Variants in GEN1 observed in about 807,000 individuals in gnomAD.
GEN1 encodes the protein flap endonuclease GEN homolog 1.
Under a neutral mutation model 67.6 loss-of-function variants are expected in GEN1, and 64 were observed. The ratio of observed to expected loss-of-function variants is 0.95; its 90% CI spans 0.77 to 1.17. The LOEUF (loss-of-function observed/expected upper bound fraction) is 1.17, where lower values mean the gene tolerates loss of function less well. GEN1 is among the 50% of genes most tolerant of loss of function. GEN1 has a pLI of 0.00. For synonymous variants in GEN1, 371 were observed against 359.4 expected (o/e 1.03, Z -0.37); for missense variants, 1,058 against 1,048.3 (o/e 1.01, Z -0.13).
At chr2:17,774,507 G>A in intron 11 of GEN1, 106 bp downstream of exon 11, 1 of 811,862 alleles carries the variant, frequency 1.2e-6, no homozygotes, top group Non-Finnish European at 1.8e-6. Flanking sequence ...TGGAGGAAAG[G>A]CCTCCTGGAA....
In GEN1 at chr2:17,774,283, G is replaced by GA; in HGVS notation, c.1090dup (p.Met364AsnfsTer10). 1.9e-6 allele frequency: 3 copies of GA among 1,558,444 alleles called. No homozygotes were observed. Among genetic ancestry groups the GA allele is most frequent in the South Asian group, 2.4e-5 (2 of 83,482 alleles). On this transcript the variant is annotated frameshift_variant, in exon 11 of 14. Transcript: ENST00000381254. LOFTEE classifies it high-confidence loss of function. ...ATTATATTTATAGAGATTTACTCTT[G>GA]AAAAAATGGAGTGGCCCAATCACTA...
At chr2:17,772,327 A>G (rs1572407071) in intron 7 of GEN1, among the ~76,000 whole-genome samples, 1 of 152,080 alleles carries the variant, frequency 6.6e-6, no homozygotes, top group East Asian at 1.9e-4. Flanking sequence ...CACCTAAACC[A>G]GAAAGTTTTC....
At chr2:17,765,263 CAT>C (rs1386437378) in intron 4 of GEN1, 190 bp downstream of exon 4, 4 of 530,228 alleles carry the variant, frequency 7.5e-6, no homozygotes, top group Non-Finnish European at 1.3e-5. Flanking sequence ...GGATTTATCT[CAT>C]AAGAACTTGA....
At chr2:17,775,716 TC>T (rs1369226106) in intron 11 of GEN1, among the ~76,000 whole-genome samples, 1 of 152,154 alleles carries the variant, frequency 6.6e-6, no homozygotes, top group African/African-American at 2.4e-5. Flanking sequence ...AGTGGAGAAA[TC>T]CAGTGGACAT....
Position 17,774,407 on chromosome 2 carries a change from G to C in GEN1, c.1202+6G>C, listed in dbSNP as rs367941048. ...AATCAACTACAGCCAATTCGGTAAT[G>C]TAAAGAACTGTATGGTGAAGGTGGT... is the stretch of plus-strand genomic sequence containing the variant. On this transcript the variant is annotated splice_donor_region_variant and intron_variant, in intron 11 of 13. Transcript: ENST00000381254. The C allele has an allele frequency of 1.9e-6, 3 of 1,590,870 alleles. No individual in the cohort carries two copies. In the African/African-American group the frequency reaches 4.1e-5, roughly 22 times the overall value.
At position 17,785,173 on chromosome 2, in the gene GEN1, T is replaced by G. The variant is rs1291795448; in HGVS notation, c.*3234T>G. 1.3e-5 allele frequency: 2 copies of G among 152,224 alleles called. No homozygotes were observed. Among genetic ancestry groups the G allele is most frequent in the Non-Finnish European group, 2.9e-5 (2 of 68,070 alleles). The allele number at this position is 152,224 out of a possible 1,614,324, so 9.4% of individuals were successfully genotyped here. A position where few individuals can be genotyped will look rare whatever the true frequency, so the allele number is the denominator to read the frequency against. ...TCCCCCTCATCATCCGTGGAAAAAC[T>G]GTTTTCCACGAAAGTGGTCCTCGGT... On this transcript the variant is annotated 3_prime_UTR_variant, in exon 14 of 14. Coordinates refer to ENST00000381254, the MANE Select transcript of GEN1 (RefSeq NM_001130009.3).
intron 11 of GEN1, among the ~76,000 whole-genome samples, chr2:17,775,919 G>A (rs1218674231): frequency 6.6e-6 from 1 of 151,794 alleles, no homozygotes; most frequent in Non-Finnish European, 1.5e-5. Context: ...CCGGTGGATC[G>A]ACTGAGCTCA....
rs1672976176 is a variant in GEN1 at position 17,784,267 on chromosome 2, T to A, written c.*2328T>A. On this transcript the variant is annotated 3_prime_UTR_variant, in exon 14 of 14. Transcript: ENST00000381254. ...CTATTACTCATCAGGAAAATGCAAATCAAAACCACAAGACACCCAATGTCT... is the reference window on the plus strand; with the variant it reads ...CTATTACTCATCAGGAAAATGCAAAACAAAACCACAAGACACCCAATGTCT... The A allele has an allele frequency of 6.6e-6, 1 of 151,922 alleles. No individual in the cohort carries two copies. The highest frequency in any genetic ancestry group is 1.5e-5 in the Non-Finnish European group (1 of 67,952). The allele number at this position is 151,922 out of a possible 1,614,324, so 9.4% of individuals were successfully genotyped here.
chr2:17,766,367 A>T (rs962572851), intron 4 of GEN1, among the ~76,000 whole-genome samples: 4 of 152,046 alleles, frequency 2.6e-5, no homozygotes, highest in African/African-American at 9.7e-5. Flanking sequence ...ATGGGGTTTC[A>T]CCATGTTGGC....
At chr2:17,756,448 A>G (rs992506483) in intron 1 of GEN1, among the ~76,000 whole-genome samples, 5 of 152,238 alleles carry the variant, frequency 3.3e-5, no homozygotes, top group Non-Finnish European at 7.3e-5. Flanking sequence ...GAACAGATTG[A>G]CATCAATATA....
intron 2 of GEN1, 146 bp downstream of exon 2, chr2:17,760,250 C>T: frequency 2.7e-6 from 2 of 733,940 alleles, no homozygotes; most frequent in Non-Finnish European, 4.2e-6. Context: ...CTAGATTCAC[C>T]ATCTTTATAT....
At chr2:17,760,391 A>T (rs1157270945) in intron 2 of GEN1, among the ~76,000 whole-genome samples, 1 of 152,044 alleles carries the variant, frequency 6.6e-6, no homozygotes, top group Non-Finnish European at 1.5e-5. Flanking sequence ...TCCCTATTTT[A>T]CTTCTCTCCA....
rs565641448 is a variant in GEN1 at position 17,762,275 on chromosome 2, C to T, written c.348+693C>T. ...GGAGTGCAGTGGCGCAATCTCGGCT[C>T]ACTGCAAGCTCCGCCTCCTGGGTTC... On this transcript the variant is annotated intron_variant, in intron 3 of 13. Transcript: ENST00000381254. 2.0e-5 allele frequency among the ~76,000 whole-genome samples: 3 copies of T among 147,060 alleles called. No individual in the cohort carries two copies. The South Asian group carries it at 6.5e-4, about 32-fold the overall frequency.
chr2:17,785,662 G>T lies in GEN1; in HGVS notation c.*3723G>T, dbSNP rs1302527639. 3 of 152,280 alleles carry T rather than the reference G, an allele frequency of 2.0e-5. No homozygotes were observed. The East Asian group carries it at 5.8e-4, about 29-fold the overall frequency. 9.4% of individuals were successfully genotyped at this position (152,280 alleles called of 1,614,324 possible). A position where few individuals can be genotyped will look rare whatever the true frequency, so the allele number is the denominator to read the frequency against. On this transcript the variant is annotated 3_prime_UTR_variant, in exon 14 of 14. Coordinates refer to ENST00000381254, the MANE Select transcript of GEN1 (RefSeq NM_001130009.3). Reference sequence around the variant, plus strand: ...TAATCCCAGCACGCTGGGAGGCTGAGGCGGGTGGATTGCTTGAGGCCAGGA... The same window carrying T: ...TAATCCCAGCACGCTGGGAGGCTGATGCGGGTGGATTGCTTGAGGCCAGGA...
At chr2:17,777,601 AT>A (rs1672496119) in intron 11 of GEN1, among the ~76,000 whole-genome samples, 1 of 152,198 alleles carries the variant, frequency 6.6e-6, no homozygotes, top group Non-Finnish European at 1.5e-5. Flanking sequence ...GACAGATTAT[AT>A]TGGATAAGTA....
chr2:17,780,006 T>A lies in GEN1; in HGVS notation c.1293T>A (p.His431Gln). ...ATTATGCTATGGAAGATAAACAACA[T>A]GGAGAATTTGCTTTATTAACAATTG... The part of the protein sequence containing the change: ...PEHYAMEDKQ[H>Q]GEFALLTIEE... Residue 431 changes from histidine to glutamine, a missense_variant, in exon 13 of 14, where the codon CAT (histidine) becomes CAA (glutamine). Transcript: ENST00000381254. 6.2e-7 allele frequency: 1 copy of A among 1,601,044 alleles called. No individual in the cohort carries two copies. Among genetic ancestry groups the A allele is most frequent in the South Asian group, 1.1e-5 (1 of 90,718 alleles).
Position 17,781,007 on chromosome 2 carries a change from C to T in GEN1, c.1795C>T (p.Pro599Ser). ...DWEGTSFSNS[P>S]AIQRNTFSHD... Reference sequence around the variant, plus strand: ...GGAAGGTACTTCTTTTAGTAATTCTCCAGCTATTCAAAGGAATACTTTTTC... The same window carrying T: ...GGAAGGTACTTCTTTTAGTAATTCTTCAGCTATTCAAAGGAATACTTTTTC... Residue 599 changes from proline to serine, a missense_variant, in exon 14 of 14, where the codon CCA becomes TCA. Pro to Ser is a moderately conservative substitution (Grantham distance 74). Transcript: ENST00000381254. The T allele has an allele frequency of 6.2e-7, 1 of 1,613,666 alleles. No homozygotes were observed. The highest frequency in any genetic ancestry group is 1.1e-5 in the South Asian group (1 of 91,052).
rs769982147 is a variant in GEN1 at position 17,771,141 on chromosome 2, C to A, written c.711-55C>A. On this transcript the variant is annotated intron_variant, in intron 6 of 13. Coordinates refer to ENST00000381254, the MANE Select transcript of GEN1 (RefSeq NM_001130009.3). ...GATCAGCCTGATATTTGAGAACATA[C>A]CGTTTTTGTGACCTCATTTTTTTTC... The A allele has an allele frequency of 1.9e-5, 19 of 979,304 alleles. No individual in the cohort carries two copies. In the African/African-American group the frequency reaches 2.9e-4, roughly 15 times the overall value. 60.7% of individuals were successfully genotyped at this position (979,304 alleles called of 1,614,324 possible). A position where few individuals can be genotyped will look rare whatever the true frequency, so the allele number is the denominator to read the frequency against.
Position 17,761,544 on chromosome 2 carries a change from A to AAAAC in GEN1, c.312_315dup (p.Gly106AsnfsTer7), listed in dbSNP as rs1402606012. 6.2e-7 allele frequency: 1 copy of AAAAC among 1,611,538 alleles called. No individual in the cohort carries two copies. The highest frequency in any genetic ancestry group is 8.5e-7 in the Non-Finnish European group (1 of 1,179,304). ...GTCTTCTGGAAAATCGTGGTCTCAGAAAACAGGGAGATCACATTTTAAATC... is the reference window on the plus strand; with the variant it reads ...GTCTTCTGGAAAATCGTGGTCTCAGAAAACAAACAGGGAGATCACATTTTAAATC... On this transcript the variant is annotated frameshift_variant, in exon 3 of 14. Coordinates refer to ENST00000381254, the MANE Select transcript of GEN1 (RefSeq NM_001130009.3). LOFTEE classifies it high-confidence loss of function.
Sources: gnomAD v4.1 joint callset for allele counts (sites outside exome capture counted in the v4.1 genomes callset) on GRCh38, gnomAD v4.1.1 for gene constraint, MANE v1.5 for transcripts, NCBI Gene and HGNC (gene_info 2026-07-23, HGNC 2026-07-21) for gene names.